The following RAF1 variants were observed in gnomAD, a reference collection of about 807,000 sequenced individuals.
RAF1 encodes the protein RAF proto-oncogene serine/threonine-protein kinase.
RAF1 carries 27 observed loss-of-function variants against 81.1 expected under a neutral mutation model. That is an observed-to-expected ratio of 0.33 (90% CI 0.25 to 0.46). The LOEUF is 0.46. Among genes scored for constraint, RAF1 ranks in the 20% least tolerant of loss-of-function variants. The pLI is 1.00. For synonymous variants in RAF1, 298 were observed against 294.0 expected, an observed-to-expected ratio of 1.01 and a Z score of -0.14; for missense variants, 598 against 826.0, an observed-to-expected ratio of 0.72 and a Z score of 3.38.
rs2125420751 is a variant in RAF1, at chr3:12,609,306, T to A, written c.350A>T (p.Asp117Val). The stretch of plus-strand genomic sequence containing the variant: ...TTCTTCTCCAATCAAAGACGCAGCA[T>A]CAGTATTCCAATCTAAGCGTGCTTT... The change falls in exon 4 of 18, where the codon GAT (aspartate) becomes GTT (valine). Residue 117 changes from aspartate to valine, a missense_variant. Transcript: ENST00000442415. 6.2e-7 allele frequency: 1 copy of A among 1,613,478 alleles called. No individual in the cohort carries two copies. The highest frequency in any genetic ancestry group is 2.2e-5 in the East Asian group (1 of 44,856).
At position 12,585,118 on chromosome 3, in the gene RAF1, T is replaced by C. The variant is rs771344560; in HGVS notation, c.1728+4A>G. 45 of 1,614,030 alleles carry C rather than the reference T, an allele frequency of 2.8e-5. No individual in the cohort carries two copies. In the Admixed American group the frequency reaches 7.5e-4, roughly 27 times the overall value. On this transcript the variant is annotated splice_donor_region_variant and intron_variant, in intron 16 of 17. Coordinates refer to ENST00000442415, the MANE Select transcript of RAF1 (RefSeq NM_001354689.3). ...TGGGTCCTTTCGCACCAGCACAGAC[T>C]TACCTGATCTCGGTTGTTGATGTGA... is the stretch of plus-strand genomic sequence containing the variant.
At position 12,585,092 on chromosome 3, in the gene RAF1, T is replaced by C. The variant is rs375917848; in HGVS notation, c.1728+30A>G. 160 of 1,613,910 alleles carry C rather than the reference T, an allele frequency of 9.9e-5. No individual in the cohort carries two copies. Among genetic ancestry groups the C allele is most frequent in the Admixed American group, 8.0e-4 (48 of 59,990 alleles). On this transcript the variant is annotated intron_variant, in intron 16 of 17. Coordinates refer to ENST00000442415, the MANE Select transcript of RAF1 (RefSeq NM_001354689.3). ...GCGGAGGCCCAGGGGCTCCCACGAGTTGGGTCCTTTCGCACCAGCACAGAC... is the reference window on the plus strand; with the variant it reads ...GCGGAGGCCCAGGGGCTCCCACGAGCTGGGTCCTTTCGCACCAGCACAGAC...
intron 1 of RAF1, among the ~76,000 whole-genome samples, chr3:12,622,487 T>G (rs2059583702): frequency 6.6e-6 from 1 of 152,220 alleles, no homozygotes; most frequent in Admixed American, 6.5e-5. Context: ...CCTGCAAGGC[T>G]GAAACCCCAA....
chr3:12,642,888 GA>G (rs566413884), intron 1 of RAF1, among the ~76,000 whole-genome samples: 64 of 130,716 alleles, frequency 4.9e-4, no homozygotes, highest in Middle Eastern at 3.8e-3. Flanking sequence ...CTCTGTCTCA[GA>G]AAAAAAAAAA....
chr3:12,637,462 G>C (rs550842669), intron 1 of RAF1, among the ~76,000 whole-genome samples: 204 of 151,604 alleles, frequency 1.3e-3, no homozygotes, highest in Middle Eastern at 3.4e-3. Context: ...ACAGGGTTTC[G>C]ACACGTTGAC....
At chr3:12,645,823 C>T (rs772064066) in intron 1 of RAF1, among the ~76,000 whole-genome samples, 3 of 152,278 alleles carry the variant, frequency 2.0e-5, no homozygotes, top group East Asian at 3.9e-4. Flanking sequence ...AGCGTCTCAG[C>T]TCAGCCTCCC....
At chr3:12,607,144 A>G (rs1349536413) in intron 5 of RAF1, among the ~76,000 whole-genome samples, 1 of 152,258 alleles carries the variant, frequency 6.6e-6, no homozygotes, top group African/African-American at 2.4e-5. Flanking sequence ...CTAAAATAGA[A>G]GGAATAAATC....
intron 1 of RAF1, among the ~76,000 whole-genome samples, chr3:12,638,480 C>G (rs1379667286): frequency 1.3e-5 from 2 of 152,116 alleles, no homozygotes; most frequent in Non-Finnish European, 2.9e-5. Flanking sequence ...CAAACAAGTC[C>G]CAAACAGACC....
chr3:12,643,648 A>G (rs2060258321), intron 1 of RAF1, among the ~76,000 whole-genome samples: 1 of 152,064 alleles, frequency 6.6e-6, no homozygotes, highest in Non-Finnish European at 1.5e-5. Flanking sequence ...AGGCAGGAGA[A>G]TCGCTTGAAC....
At chr3:12,644,332 G>A (rs1575656044) in intron 1 of RAF1, among the ~76,000 whole-genome samples, 4 of 152,262 alleles carry the variant, frequency 2.6e-5, no homozygotes, top group South Asian at 2.1e-4. Flanking sequence ...TTTTATCAAC[G>A]TCTAGAGAAG....
At chr3:12,602,488 A>G (rs1486425094) in intron 8 of RAF1, among the ~76,000 whole-genome samples, 1 of 152,156 alleles carries the variant, frequency 6.6e-6, no homozygotes, top group Non-Finnish European at 1.5e-5. Flanking sequence ...AGTAACTAGG[A>G]CTGCAGGTGC....
chr3:12,654,676 A>AT (rs529409290), intron 1 of RAF1, among the ~76,000 whole-genome samples: 91,642 of 121,374 alleles, frequency 0.76, 35,614 homozygotes, highest in East Asian at 0.89. Flanking sequence ...AACTTTATTC[A>AT]TTTTTTTTTT....
At chr3:12,627,834 G>A (rs1184785386) in intron 1 of RAF1, among the ~76,000 whole-genome samples, 3 of 152,198 alleles carry the variant, frequency 2.0e-5, no homozygotes, top group African/African-American at 4.8e-5. Context: ...GAAAGTTAGA[G>A]TGTGGCCAGG....
intron 1 of RAF1, 101 bp downstream of exon 1, chr3:12,663,712 C>A: frequency 2.5e-6 from 1 of 393,176 alleles, no homozygotes. Flanking sequence ...AGCCGCGGGG[C>A]CGCTCCATCA....
rs778185496 is a variant in RAF1, at chr3:12,606,272, A to G, written c.609T>C (p.Asp203=). Residue 203 remains aspartate (D), a synonymous_variant, in exon 6 of 18, where the codon GAT becomes GAC. Transcript: ENST00000442415. ...AAGAAGGTAGTGCTGGGACTCCACT[A>G]TCACCAATAGTGGAATTTGGAAACA... is the stretch of plus-strand genomic sequence containing the variant. 17 of 1,613,580 alleles carry G rather than the reference A, an allele frequency of 1.1e-5. No individual in the cohort carries two copies. Among genetic ancestry groups the G allele is most frequent in the South Asian group, 6.6e-5 (6 of 91,082 alleles).
At chr3:12,622,664 A>G (rs1575607543) in intron 1 of RAF1, among the ~76,000 whole-genome samples, 1 of 152,298 alleles carries the variant, frequency 6.6e-6, no homozygotes, top group Non-Finnish European at 1.5e-5. Flanking sequence ...AGTTTTAGTC[A>G]GTCCCCCTAC....
intron 1 of RAF1, among the ~76,000 whole-genome samples, chr3:12,643,027 A>G (rs1435087820): frequency 6.6e-6 from 1 of 152,170 alleles, no homozygotes; most frequent in Non-Finnish European, 1.5e-5. Flanking sequence ...GCAGGAGGAC[A>G]TTGGTTTTCA....
At chr3:12,655,917 A>T in intron 1 of RAF1, among the ~76,000 whole-genome samples, 1 of 151,918 alleles carries the variant, frequency 6.6e-6, no homozygotes, top group East Asian at 1.9e-4. Flanking sequence ...GGAACTGGGC[A>T]TAGGGAGGAA....
chr3:12,625,231 G>C (rs2125476577), intron 1 of RAF1, among the ~76,000 whole-genome samples: 1 of 152,050 alleles, frequency 6.6e-6, no homozygotes, highest in Non-Finnish European at 1.5e-5. Flanking sequence ...TCACAGGCAT[G>C]CGCCACTATG....
Sources: allele counts gnomAD v4.1 joint callset (sites outside exome capture counted in the v4.1 genomes callset), GRCh38; gene constraint gnomAD v4.1.1; transcripts MANE v1.5; gene names NCBI Gene and HGNC (gene_info 2026-07-23, HGNC 2026-07-21).